The following CCDC102B variants were observed in gnomAD, a reference collection of about 807,000 sequenced individuals.
CCDC102B encodes coiled-coil domain containing 102B, also known as coiled-coil domain-containing protein 102B.
In CCDC102B, 75 loss-of-function variants were observed where a neutral mutation model predicts 57.4. The ratio of observed to expected loss-of-function variants is 1.31; its 90% confidence interval spans 1.08 to 1.58. CCDC102B has a LOEUF of 1.58. CCDC102B is among the 40% of genes most tolerant of loss of function. CCDC102B has a pLI of 0.00. For missense variants in CCDC102B, 636 were observed against 582.6 expected, an observed-to-expected ratio of 1.09 and a Z score of -0.94; for synonymous variants, 206 against 201.9, an observed-to-expected ratio of 1.02 and a Z score of -0.17.
intron 2 of CCDC102B, among the ~76,000 whole-genome samples, chr18:68,723,363 G>T (rs1235059295): frequency 6.6e-6 from 1 of 151,988 alleles, no homozygotes; most frequent in Non-Finnish European, 1.5e-5. Context: ...ACACAATCAT[G>T]CCTTTCCCAC....
rs575871866 is a variant in CCDC102B, at chr18:68,894,996, G to A, written c.1054-2223G>A. ...GACTTGACACAGCATATTTGTCCTT[G>A]CCCAAAAATACATTTGCTCTCCTTA... On this transcript the variant is annotated intron_variant, in intron 5 of 7. Transcript: ENST00000360242. Among the ~76,000 whole-genome samples the A allele has an allele frequency of 2.0e-5, 3 of 151,906 alleles. No homozygotes were observed. In the South Asian group the frequency reaches 6.2e-4, roughly 32 times the overall value.
chr18:68,898,847 AT>A (rs1294611541), intron 6 of CCDC102B, among the ~76,000 whole-genome samples: 3 of 152,094 alleles, frequency 2.0e-5, no homozygotes, highest in African/African-American at 7.2e-5. Flanking sequence ...ATTATATTTG[AT>A]TTTGGCACCT....
intron 2 of CCDC102B, among the ~76,000 whole-genome samples, chr18:68,776,406 A>G (rs1599444043): frequency 1.3e-5 from 2 of 152,210 alleles, no homozygotes; most frequent in African/African-American, 4.8e-5. Flanking sequence ...AAAGACACGG[A>G]ATCAACCTAA....
chr18:69,014,576 G>A (rs186940606), intron 7 of CCDC102B, among the ~76,000 whole-genome samples: 12 of 151,920 alleles, frequency 7.9e-5, no homozygotes, highest in African/African-American at 2.7e-4. Context: ...TTTCACTATA[G>A]TATATTGGGC....
chr18:68,949,373 T>G (rs187355637), intron 6 of CCDC102B, among the ~76,000 whole-genome samples: 2 of 152,208 alleles, frequency 1.3e-5, no homozygotes, highest in Admixed American at 1.3e-4. Flanking sequence ...CATCTGACAT[T>G]TGTATAAAAA....
At chr18:68,815,606 C>A (rs1599503776) in intron 1 of CCDC102B, among the ~76,000 whole-genome samples, 1 of 151,670 alleles carries the variant, frequency 6.6e-6, no homozygotes, top group Non-Finnish European at 1.5e-5. Context: ...GAAAATGGAA[C>A]AAACTGACCA....
chr18:68,745,914 A>G (rs1044287919), intron 2 of CCDC102B, among the ~76,000 whole-genome samples: 29 of 151,924 alleles, frequency 1.9e-4, no homozygotes, highest in Middle Eastern at 3.2e-3. Flanking sequence ...CTGATTTCTA[A>G]TCTCATTTTT....
chr18:69,033,010 A>G (rs756194845), intron 7 of CCDC102B, among the ~76,000 whole-genome samples: 6 of 152,142 alleles, frequency 3.9e-5, no homozygotes, highest in Non-Finnish European at 8.8e-5. Context: ...TTCTTGTTAG[A>G]TTTTTTAAGA....
At chr18:69,051,015 G>A (rs1298882143) in intron 7 of CCDC102B, among the ~76,000 whole-genome samples, 1 of 152,070 alleles carries the variant, frequency 6.6e-6, no homozygotes, top group Non-Finnish European at 1.5e-5. Flanking sequence ...TTACCAAGTA[G>A]CTGAGACTAC....
chr18:68,817,526 A>T (rs987112456), intron 1 of CCDC102B, among the ~76,000 whole-genome samples: 1 of 152,236 alleles, frequency 6.6e-6, no homozygotes, highest in African/African-American at 2.4e-5. Context: ...TTCAAAGAAG[A>T]TGAAGGAAGT....
chr18:68,919,338 C>T (rs1225054968), intron 6 of CCDC102B, among the ~76,000 whole-genome samples: 1 of 152,056 alleles, frequency 6.6e-6, no homozygotes, highest in African/African-American at 2.4e-5. Flanking sequence ...CATTTGTAAT[C>T]TCTAGTAGGA....
intron 2 of CCDC102B, among the ~76,000 whole-genome samples, chr18:68,735,478 A>G (rs1599385798): frequency 2.0e-5 from 3 of 152,116 alleles, no homozygotes; most frequent in Non-Finnish European, 2.9e-5. Context: ...TTGTTGCTAC[A>G]TCTGATATTC....
chr18:68,837,782 C>A (rs1302245728), intron 2 of CCDC102B, among the ~76,000 whole-genome samples: 12 of 152,148 alleles, frequency 7.9e-5, no homozygotes, highest in African/African-American at 2.7e-4. Flanking sequence ...TTCTGAGGTA[C>A]TGGGGGTTAG....
At chr18:68,797,532 AC>A (rs1265083758), upstream of CCDC102B, among the ~76,000 whole-genome samples, 13 of 151,478 alleles carry the variant, frequency 8.6e-5, no homozygotes, top group Middle Eastern at 3.4e-3. Flanking sequence ...TTCACTGGGC[AC>A]CCCGGGGACT....
At chr18:69,041,453 C>G (rs1047303329) in intron 7 of CCDC102B, among the ~76,000 whole-genome samples, 3 of 152,016 alleles carry the variant, frequency 2.0e-5, no homozygotes, top group African/African-American at 7.2e-5. Context: ...ATTACTGCTC[C>G]CATGATCTTT....
At chr18:68,751,102 GAGAA>G (rs1434153592) in intron 2 of CCDC102B, among the ~76,000 whole-genome samples, 1 of 151,962 alleles carries the variant, frequency 6.6e-6, no homozygotes, top group African/African-American at 2.4e-5. Context: ...AAATAAAAAA[GAGAA>G]AGATATAGAG....
At chr18:69,020,541 G>C (rs2051802810) in intron 7 of CCDC102B, among the ~76,000 whole-genome samples, 1 of 152,110 alleles carries the variant, frequency 6.6e-6, no homozygotes, top group Non-Finnish European at 1.5e-5. Flanking sequence ...TGTTGTGGGT[G>C]GGTATTGTGC....
chr18:68,917,600 G>A (rs1039906586), intron 6 of CCDC102B, among the ~76,000 whole-genome samples: 3 of 151,932 alleles, frequency 2.0e-5, no homozygotes, highest in Non-Finnish European at 1.5e-5. Flanking sequence ...TGTATTAATC[G>A]CTGTGTCCAT....
intron 2 of CCDC102B, among the ~76,000 whole-genome samples, chr18:68,771,796 G>A (rs1024530275): frequency 7.3e-5 from 11 of 150,984 alleles, no homozygotes; most frequent in Non-Finnish European, 1.5e-4. Flanking sequence ...TAAAATCAAG[G>A]TCACTTAGAA....
Sources: allele counts gnomAD v4.1 joint callset (sites outside exome capture counted in the v4.1 genomes callset), GRCh38; gene constraint gnomAD v4.1.1; transcripts MANE v1.5; gene names NCBI Gene and HGNC (gene_info 2026-07-23, HGNC 2026-07-21).